C3orf49: variants seen among roughly 807,000 people sequenced by gnomAD.
C3orf49 encodes putative uncharacterized protein C3orf49.
In C3orf49, 27 loss-of-function variants were observed where a neutral mutation model predicts 13.3. The observed-to-expected ratio is 2.02, with a 90% CI of 1.49 to 2.79. C3orf49 has a LOEUF of 2.79. C3orf49 is among the 30% of genes most tolerant of loss of function. The probability of loss-of-function intolerance (pLI) is 0.00; values close to 1 mark genes in which losing one functional copy is unlikely to be tolerated. For synonymous variants in C3orf49, 87 were observed against 47.6 expected (o/e 1.83, Z -3.40); for missense variants, 242 against 134.2 (o/e 1.80, Z -3.97).
At chr3:63,793,695 T>A in the C3orf49 span, among the ~76,000 whole-genome samples, 1 of 152,168 alleles carries the variant, frequency 6.6e-6, no homozygotes, top group Non-Finnish European at 1.5e-5. Flanking sequence ...TCCTTTTCAC[T>A]GCTTTATTTT....
the C3orf49 span, among the ~76,000 whole-genome samples, chr3:63,794,172 TAC>T: frequency 3.2e-3 from 456 of 141,568 alleles, 3 homozygotes; most frequent in East Asian, 0.02. Context: ...TACACACACA[TAC>T]ACACACACAC....
upstream of C3orf49, among the ~76,000 whole-genome samples, chr3:63,817,056 G>A (rs1184335300): frequency 6.6e-6 from 1 of 151,998 alleles, no homozygotes; most frequent in Admixed American, 6.5e-5. Context: ...TTACAGGCGT[G>A]AGCCATCGCA....
chr3:63,834,306 C>G (rs1701582959), intron 5 of C3orf49: 1 of 1,017,556 alleles, frequency 9.8e-7, no homozygotes, highest in Non-Finnish European at 1.5e-6. Flanking sequence ...ACAATTAAAG[C>G]TAAGATGGCT....
At chr3:63,797,356 T>G in the C3orf49 span, among the ~76,000 whole-genome samples, 895 of 152,210 alleles carry the variant, frequency 5.9e-3, 6 homozygotes, top group Non-Finnish European at 8.3e-3. Context: ...GACTTTTCCT[T>G]TGGAGGGTAG....
At chr3:63,815,775 T>C (rs1313229954), upstream of C3orf49, among the ~76,000 whole-genome samples, 11 of 149,212 alleles carry the variant, frequency 7.4e-5, no homozygotes, top group South Asian at 2.1e-4. Flanking sequence ...TTCTTTCTTT[T>C]TTTTTTTTTT....
At chr3:63,798,337 G>A in the C3orf49 span, among the ~76,000 whole-genome samples, 1 of 152,048 alleles carries the variant, frequency 6.6e-6, no homozygotes, top group East Asian at 1.9e-4. Context: ...AGATGGACAT[G>A]AATTTGAATT....
the C3orf49 span, among the ~76,000 whole-genome samples, chr3:63,805,636 T>G: frequency 5.3e-5 from 8 of 152,372 alleles, no homozygotes; most frequent in Admixed American, 1.3e-4. Context: ...ATGCTCTGCA[T>G]GCTTTGGGTC....
intron 5 of C3orf49, 145 bp from the exon 6 acceptor site, chr3:63,844,878 C>A: frequency 2.0e-6 from 1 of 495,458 alleles, no homozygotes. Context: ...CCTTGGAAAA[C>A]AGAGTAAGAC....
At chr3:63,799,694 A>T in the C3orf49 span, among the ~76,000 whole-genome samples, 1 of 152,282 alleles carries the variant, frequency 6.6e-6, no homozygotes, top group South Asian at 2.1e-4. Context: ...TTTAATTATA[A>T]TGAGAGAAAG....
At chr3:63,799,245 A>G in the C3orf49 span, among the ~76,000 whole-genome samples, 1 of 152,130 alleles carries the variant, frequency 6.6e-6, no homozygotes, top group Non-Finnish European at 1.5e-5. Flanking sequence ...GCATTGTGCT[A>G]TTGGGAGAAG....
chr3:63,799,025 T>C, the C3orf49 span, among the ~76,000 whole-genome samples: 1 of 152,168 alleles, frequency 6.6e-6, no homozygotes, highest in African/African-American at 2.4e-5. Flanking sequence ...TGCCCTATAA[T>C]GTCAACATTT....
In C3orf49 at chr3:63,827,586, C is replaced by T. The variant is rs145585056; in HGVS notation, c.446-15C>T. The T allele has an allele frequency of 1.3e-5, 9 of 693,624 alleles. No homozygotes were observed. In the Admixed American group the frequency reaches 1.9e-4, roughly 14 times the overall value. 43.0% of individuals were successfully genotyped at this position (693,624 alleles called of 1,614,324 possible). On this transcript the variant is annotated splice_polypyrimidine_tract_variant and intron_variant, in intron 2 of 6. Coordinates refer to ENST00000295896, the MANE Select transcript of C3orf49 (RefSeq NM_001355236.2). ...TTGTGATCCTTACAGATTCCTTTTT[C>T]CCCCTTTCTTGAAGCGACTATACAA...
chr3:63,782,155 T>G, the C3orf49 span, among the ~76,000 whole-genome samples: 1 of 152,204 alleles, frequency 6.6e-6, no homozygotes, highest in Non-Finnish European at 1.5e-5. Flanking sequence ...TAGAGAGAGA[T>G]AATCCAACAT....
At chr3:63,780,237 G>T in the C3orf49 span, among the ~76,000 whole-genome samples, 2 of 152,060 alleles carry the variant, frequency 1.3e-5, no homozygotes, top group African/African-American at 4.8e-5. Flanking sequence ...GAGAACATGC[G>T]CTGTTTGGTT....
the C3orf49 span, among the ~76,000 whole-genome samples, chr3:63,812,656 G>A: frequency 6.6e-6 from 1 of 152,012 alleles, no homozygotes; most frequent in Non-Finnish European, 1.5e-5. Flanking sequence ...TGATTCTAAA[G>A]CAAATGGTTG....
intron 5 of C3orf49, chr3:63,832,999 C>T (rs1319359514): frequency 1.3e-5 from 2 of 151,712 alleles, no homozygotes; most frequent in African/African-American, 4.8e-5. Context: ...TGGAGCTGAA[C>T]AAGTATTACA....
At chr3:63,842,075 T>A (rs1027303340) in intron 5 of C3orf49, among the ~76,000 whole-genome samples, 6 of 151,982 alleles carry the variant, frequency 3.9e-5, no homozygotes, top group Admixed American at 2.6e-4. Flanking sequence ...TATTAATAGA[T>A]CTAAGAGAGA....
intron 5 of C3orf49, chr3:63,835,026 G>A (rs1002254726): frequency 8.5e-5 from 73 of 855,878 alleles, no homozygotes; most frequent in Admixed American, 2.1e-4. Flanking sequence ...ACCTTCTAAC[G>A]TCATCCAGCT....
At chr3:63,823,226 ATG>A in intron 1 of C3orf49, 22 bp from the exon 2 acceptor site, 1 of 664,526 alleles carries the variant, frequency 1.5e-6, no homozygotes, top group African/African-American at 1.8e-5. Context: ...TTTCCCTAAT[ATG>A]AACCATTTTT....
Sources: allele counts gnomAD v4.1 joint callset (sites outside exome capture counted in the v4.1 genomes callset), GRCh38; gene constraint gnomAD v4.1.1; transcripts MANE v1.5; gene names NCBI Gene and HGNC (gene_info 2026-07-23, HGNC 2026-07-21).